Variants in CD53 observed in about 807,000 individuals in gnomAD.
CD53 encodes the protein leukocyte surface antigen CD53.
In CD53, 20 loss-of-function variants were observed where a neutral mutation model predicts 27.3. That is an observed-to-expected ratio of 0.73 (90% confidence interval 0.52 to 1.07). The LOEUF (loss-of-function observed/expected upper bound fraction) is 1.07. Among genes scored for constraint, CD53 ranks in the 50% least tolerant of loss-of-function variants. The pLI, the probability that CD53 is intolerant of heterozygous loss-of-function variation, is 0.00. For missense variants in CD53, 216 were observed against 264.0 expected, an observed-to-expected ratio of 0.82 and a Z score of 1.26; for synonymous variants, 106 against 105.3, an observed-to-expected ratio of 1.01 and a Z score of -0.04.
chr1:110,886,422 T>C (rs1259683350), intron 1 of CD53, among the ~76,000 whole-genome samples: 1 of 152,198 alleles, frequency 6.6e-6, no homozygotes, highest in African/African-American at 2.4e-5. Context: ...AAATTTAGGA[T>C]TTTATTTAGT....
At position 110,899,258 on chromosome 1, in the gene CD53, C is replaced by T. The variant is rs572614952; in HGVS notation, c.*63C>T. On this transcript the variant is annotated 3_prime_UTR_variant, in exon 8 of 8. Coordinates refer to ENST00000271324, the MANE Select transcript of CD53 (RefSeq NM_000560.4). ...TCCGGAAATGCAAAACCATTTATAGCATGAAGCCCTACATGATCACTGCAG... is the reference window on the plus strand; with the variant it reads ...TCCGGAAATGCAAAACCATTTATAGTATGAAGCCCTACATGATCACTGCAG... 2.6e-6 allele frequency: 3 copies of T among 1,170,642 alleles called. No individual in the cohort carries two copies. In the East Asian group the frequency reaches 7.0e-5, roughly 27 times the overall value. 72.5% of individuals were successfully genotyped at this position (1,170,642 alleles called of 1,614,324 possible). A position where few individuals can be genotyped will look rare whatever the true frequency, so the allele number is the denominator to read the frequency against.
intron 2 of CD53, among the ~76,000 whole-genome samples, chr1:110,892,089 C>T (rs2070748): frequency 0.41 from 62,762 of 151,986 alleles, 14,715 homozygotes; most frequent in Admixed American, 0.55. Context: ...GGTGAAGATA[C>T]TGTGTGGCTC....
chr1:110,887,157 G>A (rs538991031), intron 1 of CD53, among the ~76,000 whole-genome samples: 5 of 151,756 alleles, frequency 3.3e-5, no homozygotes, highest in East Asian at 1.9e-4. Context: ...TCCGTCTCCC[G>A]GGTTCACGCC....
rs374237159 is a variant in CD53 at position 110,897,809 on chromosome 1, G to A, written c.505G>A (p.Gly169Ser). ...CATTTGTAACTGAAATGTCTTCTAG[G>A]GTTGCTATGCGAAAGCAAGACTGTG... Reference protein sequence around the residue: ...ASCPSDRKVEGCYAKARLWFH... With the variant: ...ASCPSDRKVESCYAKARLWFH... The change falls in exon 7 of 8, where the codon GGT (glycine) becomes AGT (serine). Residue 169 changes from glycine to serine, a missense_variant and splice_region_variant. Physicochemically the swap from Gly to Ser is moderately conservative, Grantham distance 56 (BLOSUM62 0). Coordinates refer to ENST00000271324, the MANE Select transcript of CD53 (RefSeq NM_000560.4). 1 of 1,590,194 alleles carries A rather than the reference G, an allele frequency of 6.3e-7. No homozygotes were observed. Among genetic ancestry groups the A allele is most frequent in the African/African-American group, 1.3e-5 (1 of 74,448 alleles).
chr1:110,894,669 G>GA (rs1190630394), intron 4 of CD53, among the ~76,000 whole-genome samples: 25 of 152,282 alleles, frequency 1.6e-4, no homozygotes, highest in African/African-American at 6.0e-4. Flanking sequence ...TGGCAGGAGA[G>GA]AATGTCTGCC....
intron 1 of CD53, among the ~76,000 whole-genome samples, chr1:110,877,849 T>G (rs956374806): frequency 1.3e-5 from 2 of 152,240 alleles, no homozygotes; most frequent in African/African-American, 2.4e-5. Flanking sequence ...AACTGCTTAT[T>G]ACTCTTCAAA....
chr1:110,879,882 G>C (rs983726308), intron 1 of CD53, among the ~76,000 whole-genome samples: 2 of 152,104 alleles, frequency 1.3e-5, no homozygotes, highest in African/African-American at 4.8e-5. Flanking sequence ...CGAGGTTCTT[G>C]AAGCCTCTAT....
intron 1 of CD53, among the ~76,000 whole-genome samples, chr1:110,891,036 AG>A (rs1214631804): frequency 6.6e-6 from 1 of 152,266 alleles, no homozygotes; most frequent in African/African-American, 2.4e-5. Flanking sequence ...CCTGACTTCA[AG>A]GGCTTAAGTG....
At chr1:110,883,303 T>C (rs985709457) in intron 1 of CD53, among the ~76,000 whole-genome samples, 1 of 152,002 alleles carries the variant, frequency 6.6e-6, no homozygotes, top group Non-Finnish European at 1.5e-5. Context: ...TTCCTGTATC[T>C]ATTGAGATGA....
intron 5 of CD53, among the ~76,000 whole-genome samples, chr1:110,895,894 A>G (rs1209386282): frequency 6.6e-6 from 1 of 152,150 alleles, no homozygotes; most frequent in Non-Finnish European, 1.5e-5. Flanking sequence ...TATTTCACCC[A>G]CTAAATATAA....
At chr1:110,874,648 G>A (rs1220814792) in intron 1 of CD53, among the ~76,000 whole-genome samples, 1 of 152,224 alleles carries the variant, frequency 6.6e-6, no homozygotes, top group Non-Finnish European at 1.5e-5. Flanking sequence ...TGTTTCCTGT[G>A]TGGGCCAGTT....
At chr1:110,876,218 C>G (rs2101036771) in intron 1 of CD53, among the ~76,000 whole-genome samples, 1 of 152,238 alleles carries the variant, frequency 6.6e-6, no homozygotes, top group Non-Finnish European at 1.5e-5. Flanking sequence ...ATGACTTGTC[C>G]AAAAATCATA....
chr1:110,894,038 T>C (rs909483056), intron 3 of CD53, among the ~76,000 whole-genome samples: 9 of 152,186 alleles, frequency 5.9e-5, no homozygotes, highest in Non-Finnish European at 1.0e-4. Flanking sequence ...GATGTCAAAA[T>C]TGCTTAACTT....
rs367692365 is a variant in CD53 at position 110,883,937 on chromosome 1, ATAAGTT to A, written c.-17-7452_-17-7447del. 4.9e-3 allele frequency among the ~76,000 whole-genome samples: 741 copies of A among 152,088 alleles called. 5 individuals carry two copies. The highest frequency in any genetic ancestry group is 0.017 in the African/African-American group (716 of 41,566). ...CTATTTTAAAATTGATTACCTGTGTATAAGTTTATCAATTTTATCAGTCTTCTAAAA... is the reference window on the plus strand; with the variant it reads ...CTATTTTAAAATTGATTACCTGTGTATATCAATTTTATCAGTCTTCTAAAA... On this transcript the variant is annotated intron_variant, in intron 1 of 7. Transcript: ENST00000271324.
At chr1:110,880,293 C>A (rs1004951459) in intron 1 of CD53, 1 of 152,138 alleles carries the variant, frequency 6.6e-6, no homozygotes, top group Non-Finnish European at 1.5e-5. Flanking sequence ...CTCTCTGGGG[C>A]CCTTATGGCA....
chr1:110,888,786 A>T (rs1656730640), intron 1 of CD53, among the ~76,000 whole-genome samples: 1 of 152,228 alleles, frequency 6.6e-6, no homozygotes, highest in South Asian at 2.1e-4. Flanking sequence ...CACTTATAGC[A>T]CATAGTAATT....
intron 1 of CD53, among the ~76,000 whole-genome samples, chr1:110,879,678 T>C (rs1386943257): frequency 1.3e-5 from 2 of 152,150 alleles, no homozygotes; most frequent in Non-Finnish European, 2.9e-5. Flanking sequence ...GCTTGTAATA[T>C]TGGATCAGAT....
In CD53 at chr1:110,899,130, G is replaced by C; in HGVS notation, c.595G>C (p.Gly199Arg). The change falls in exon 8 of 8, where the codon GGG (glycine) becomes CGG (arginine). Residue 199 changes from glycine (G) to arginine (R), a missense_variant. Transcript: ENST00000271324. ...TICVCVIEVLGMSFALTLNCQ... is the reference protein window; with the variant it reads ...TICVCVIEVLRMSFALTLNCQ... ...TTCCCAACTCTTTTCACAGGTGTTG[G>C]GGATGTCCTTTGCACTGACCCTGAA... 6.2e-7 allele frequency: 1 copy of C among 1,613,552 alleles called. No homozygotes were observed. Among genetic ancestry groups the C allele is most frequent in the Non-Finnish European group, 8.5e-7 (1 of 1,179,616 alleles).
chr1:110,894,298 G>A (rs1286983891), intron 3 of CD53, 29 bp from the exon 4 acceptor site: 1 of 1,602,538 alleles, frequency 6.2e-7, no homozygotes, highest in Non-Finnish European at 8.5e-7. Context: ...GGGGATCAGT[G>A]CTGTGAGAAT....
Sources: gnomAD v4.1 joint callset for allele counts (sites outside exome capture counted in the v4.1 genomes callset) on GRCh38, gnomAD v4.1.1 for gene constraint, MANE v1.5 for transcripts, NCBI Gene and HGNC (gene_info 2026-07-23, HGNC 2026-07-21) for gene names.